Variants in NBPF14 observed in about 807,000 individuals in gnomAD.
NBPF14 encodes the protein NBPF family member NBPF14.
NBPF14 carries 104 observed loss-of-function variants against 91.2 expected under a neutral mutation model. The observed-to-expected ratio is 1.14, with a 90% CI of 0.97 to 1.34. The LOEUF (loss-of-function observed/expected upper bound fraction) is 1.34. Ranked by LOEUF, NBPF14 falls within the 40% of genes most tolerant of loss-of-function variation. The pLI, the probability that NBPF14 is intolerant of heterozygous loss-of-function variation, is 0.00. For missense variants in NBPF14, 908 were observed against 783.0 expected (o/e 1.16, Z -1.91); for synonymous variants, 294 against 303.8 (o/e 0.97, Z 0.34).
chr1:148,577,843 A>T, intron 14 of NBPF14, 140 bp downstream of exon 14: 1 of 586,960 alleles, frequency 1.7e-6, no homozygotes. Context: ...TCTAATGAGA[A>T]CCAAAAAGCA....
chr1:148,561,847 A>G, intron 34 of NBPF14, among the ~76,000 whole-genome samples: 1 of 135,990 alleles, frequency 7.4e-6, no homozygotes, highest in African/African-American at 3.6e-5. Flanking sequence ...AGAGAGAGAG[A>G]ACGAGCTCAG....
intron 13 of NBPF14, among the ~76,000 whole-genome samples, chr1:148,578,237 T>C (rs1660329039): frequency 1.3e-5 from 2 of 151,404 alleles, no homozygotes; most frequent in Admixed American, 1.3e-4. Flanking sequence ...AAAATTCCCC[T>C]GTGTTGGAAT....
At chr1:148,575,866 GC>G in intron 16 of NBPF14, 55 bp from the exon 17 acceptor site, 1 of 290,720 alleles carries the variant, frequency 3.4e-6, no homozygotes, top group South Asian at 2.3e-5. Flanking sequence ...AAACCACACA[GC>G]CCCAGCTAGA....
intron 7 of NBPF14, among the ~76,000 whole-genome samples, chr1:148,588,339 CATTATT>C (rs1285364282): frequency 7.6e-6 from 1 of 132,140 alleles, no homozygotes; most frequent in Non-Finnish European, 1.6e-5. Context: ...TTTTATTTAT[CATTATT>C]ATTATTATTA....
At chr1:148,538,330 C>G (rs1655379877) in intron 64 of NBPF14, among the ~76,000 whole-genome samples, 2 of 15,740 alleles carry the variant, frequency 1.3e-4, no homozygotes, top group Admixed American at 1.7e-3. Flanking sequence ...TTAGTGCCCT[C>G]AGGACACACA....
chr1:148,561,803 AC>A (rs1657812847), intron 34 of NBPF14, among the ~76,000 whole-genome samples: 1 of 32,908 alleles, frequency 3.0e-5, no homozygotes, highest in South Asian at 9.0e-4. Flanking sequence ...ACACACACAA[AC>A]ACACACACAC....
chr1:148,587,303 G>A, exon 8 of NBPF14: 1 of 1,580,398 alleles, frequency 6.3e-7, no homozygotes, highest in Non-Finnish European at 8.6e-7. Flanking sequence ...CCCCTCACCT[G>A]AGCTCCTCAG....
At chr1:148,561,380 T>G in intron 35 of NBPF14, 27 bp downstream of exon 35, 4 of 288,452 alleles carry the variant, frequency 1.4e-5, no homozygotes, top group Non-Finnish European at 1.8e-5. Flanking sequence ...CAGTGGATCC[T>G]CATCACCTTC....
At chr1:148,559,366 G>A (rs1418771725) in intron 37 of NBPF14, among the ~76,000 whole-genome samples, 9 of 131,502 alleles carry the variant, frequency 6.8e-5, no homozygotes, top group Admixed American at 5.9e-4. Context: ...TAAAGCAATT[G>A]CCCCCAAATG....
At chr1:148,556,613 G>A in intron 41 of NBPF14, 77 bp downstream of exon 41, 1 of 63,368 alleles carries the variant, frequency 1.6e-5, no homozygotes, top group Non-Finnish European at 2.4e-5. Context: ...GCTCAGTAAT[G>A]GCCACTTGGA....
intron 34 of NBPF14, among the ~76,000 whole-genome samples, chr1:148,561,816 C>CAGAG (rs1256585009): frequency 3.5e-4 from 45 of 129,762 alleles, no homozygotes; most frequent in African/African-American, 1.3e-3. Flanking sequence ...CACACACACA[C>CAGAG]ACAGAGAGAG....
rs1297627468 is a variant in NBPF14, at chr1:148,576,066, G to A, written c.2079-255C>T. ...CAGCGAATTGGCCGGGTGACACACT[G>A]ATGAAGGGGTTAAAGGACACTCTGA... On this transcript the variant is annotated intron_variant, in intron 16 of 70. Transcript: ENST00000619423. Among the ~76,000 whole-genome samples, 50 of 146,142 alleles carry A rather than the reference G, an allele frequency of 3.4e-4. No homozygotes were observed. In the South Asian group the frequency reaches 0.01, roughly 30 times the overall value.
At chr1:148,534,589 A>T (rs1301580684) in intron 69 of NBPF14, 95 bp downstream of exon 69, 16 of 849,352 alleles carry the variant, frequency 1.9e-5, no homozygotes, top group Non-Finnish European at 2.7e-5. Flanking sequence ...CGGCAATGAC[A>T]TCTCTCGGGT....
At chr1:148,534,632 C>T (rs1378839875) in intron 69 of NBPF14, 52 bp downstream of exon 69, 17 of 891,818 alleles carry the variant, frequency 1.9e-5, no homozygotes, top group East Asian at 9.6e-5. Context: ...GAATATCACC[C>T]CTATCTGGAA....
exon 21 of NBPF14, chr1:148,572,467 GGTA>G: frequency 3.7e-6 from 2 of 538,460 alleles, no homozygotes; most frequent in Non-Finnish European, 6.4e-6. Context: ...GCCAAGCCAA[GGTA>G]CTGTTCCTCC....
intron 15 of NBPF14, among the ~76,000 whole-genome samples, chr1:148,576,801 C>T (rs1163420772): frequency 6.7e-6 from 1 of 149,566 alleles, no homozygotes; most frequent in Admixed American, 6.7e-5. Context: ...TCAGCCCTGT[C>T]TCATCAAATA....
intron 8 of NBPF14, among the ~76,000 whole-genome samples, chr1:148,586,832 G>A (rs1412305162): frequency 2.2e-5 from 3 of 138,818 alleles, no homozygotes; most frequent in Non-Finnish European, 4.8e-5. Context: ...TAGATACAAA[G>A]CCATGTACAG....
At chr1:148,557,125 G>T (rs1311157517) in intron 40 of NBPF14, among the ~76,000 whole-genome samples, 4 of 123,652 alleles carry the variant, frequency 3.2e-5, no homozygotes, top group South Asian at 2.9e-4. Context: ...AATTGTCCAG[G>T]TGACACACTG....
exon 69 of NBPF14, chr1:148,534,726 A>G: frequency 2.4e-6 from 2 of 835,318 alleles, no homozygotes; most frequent in Non-Finnish European, 4.2e-6. Context: ...TCCTCCAATG[A>G]GTAAACAGCA....
Sources: allele counts gnomAD v4.1 joint callset (sites outside exome capture counted in the v4.1 genomes callset), GRCh38; gene constraint gnomAD v4.1.1; transcripts MANE v1.5; gene names NCBI Gene and HGNC (gene_info 2026-07-23, HGNC 2026-07-21).